CDK8: variants seen among roughly 807,000 people sequenced by gnomAD.
CDK8 encodes cyclin dependent kinase 8, also known as cyclin-dependent kinase 8.
Under a neutral mutation model 71.5 loss-of-function variants are expected in CDK8, and 29 were observed. The ratio of observed to expected loss-of-function variants is 0.41; its 90% CI spans 0.30 to 0.55. The LOEUF (loss-of-function observed/expected upper bound fraction) is 0.55, where lower values mean the gene tolerates loss of function less well. CDK8 is among the 20% of genes least tolerant of loss of function. The probability of loss-of-function intolerance (pLI) is 0.37; values close to 1 mark genes in which losing one functional copy is unlikely to be tolerated. For missense variants in CDK8, 288 were observed against 572.6 expected, an observed-to-expected ratio of 0.50 and a Z score of 5.07; for synonymous variants, 161 against 192.1, an observed-to-expected ratio of 0.84 and a Z score of 1.34.
chr13:26,361,725 C>T (rs1274899910), intron 4 of CDK8, among the ~76,000 whole-genome samples: 1 of 148,036 alleles, frequency 6.8e-6, no homozygotes, highest in Admixed American at 6.8e-5. Flanking sequence ...TATAGTTGCT[C>T]ATTTTGGGAC....
At chr13:26,354,137 A>G (rs1033048787) in intron 4 of CDK8, among the ~76,000 whole-genome samples, 13 of 152,218 alleles carry the variant, frequency 8.5e-5, no homozygotes, top group Non-Finnish European at 1.8e-4. Context: ...TTTTAAGTTC[A>G]TAAATAAAGC....
intron 10 of CDK8, 68 bp downstream of exon 10, chr13:26,400,618 C>T (rs1876211475): frequency 3.2e-6 from 3 of 948,598 alleles, no homozygotes; most frequent in Non-Finnish European, 5.2e-6. Flanking sequence ...TTCTGCTTGT[C>T]AGCTCTTAAG....
chr13:26,323,324 AGAGGGAGAGAGAGAGG>A (rs1874871863), intron 1 of CDK8, among the ~76,000 whole-genome samples: 6 of 113,770 alleles, frequency 5.3e-5, no homozygotes, highest in African/African-American at 2.1e-4. Context: ...AGAGAGAGAG[AGAGGGAGAGAGAGAGG>A]GAGAGGGAGA....
At chr13:26,389,200 T>A (rs1429967924) in intron 6 of CDK8, among the ~76,000 whole-genome samples, 1 of 152,160 alleles carries the variant, frequency 6.6e-6, no homozygotes, top group African/African-American at 2.4e-5. Context: ...TCTCGCTCTG[T>A]CACCCAGGCT....
chr13:26,263,901 T>C (rs1436774329), intron 1 of CDK8, among the ~76,000 whole-genome samples: 8 of 151,870 alleles, frequency 5.3e-5, no homozygotes, highest in Non-Finnish European at 1.0e-4. Context: ...CGCCCGCCAC[T>C]ACGCCCGGCT....
chr13:26,387,793 A>G (rs1875550934), intron 6 of CDK8, among the ~76,000 whole-genome samples: 1 of 152,188 alleles, frequency 6.6e-6, no homozygotes, highest in African/African-American at 2.4e-5. Flanking sequence ...TAGTGAAAAT[A>G]GTACCTTTTC....
chr13:26,375,381 C>G (rs911479488), intron 4 of CDK8, among the ~76,000 whole-genome samples: 38 of 152,168 alleles, frequency 2.5e-4, no homozygotes, highest in Non-Finnish European at 4.9e-4. Flanking sequence ...GGATGTTGCC[C>G]AGCTTCACTG....
chr13:26,381,171 A>G (rs1875208178), intron 4 of CDK8, among the ~76,000 whole-genome samples: 1 of 152,206 alleles, frequency 6.6e-6, no homozygotes, highest in Non-Finnish European at 1.5e-5. Context: ...TTCTAGCATA[A>G]ACATGGAAGT....
At chr13:26,311,952 T>C (rs1874301745) in intron 1 of CDK8, among the ~76,000 whole-genome samples, 1 of 152,146 alleles carries the variant, frequency 6.6e-6, no homozygotes, top group South Asian at 2.1e-4. Flanking sequence ...AGACATTGGG[T>C]GGTAAACCAG....
At chr13:26,339,756 A>AAATATATATATATATATATAT (rs1555231154) in intron 2 of CDK8, among the ~76,000 whole-genome samples, 1 of 142,998 alleles carries the variant, frequency 7.0e-6, no homozygotes, top group African/African-American at 2.6e-5. Flanking sequence ...TTAAAAAAAA[A>AAATATATATATATATATATAT]ATATATATAT....
chr13:26,385,840 C>T (rs952994654), intron 6 of CDK8, among the ~76,000 whole-genome samples: 5 of 152,144 alleles, frequency 3.3e-5, no homozygotes, highest in Non-Finnish European at 5.9e-5. Flanking sequence ...ATTCCACATA[C>T]TTCTCTCTGC....
intron 1 of CDK8, among the ~76,000 whole-genome samples, chr13:26,295,061 A>T (rs1206482355): frequency 6.6e-6 from 1 of 151,938 alleles, no homozygotes; most frequent in Non-Finnish European, 1.5e-5. Context: ...TAGTGTTTTA[A>T]TGTTCTTCTT....
chr13:26,294,129 C>T (rs1164163820), intron 1 of CDK8, among the ~76,000 whole-genome samples: 1 of 52,312 alleles, frequency 1.9e-5, no homozygotes, highest in East Asian at 8.3e-4. Flanking sequence ...TAATATTCTG[C>T]ACCTTTTTTT....
chr13:26,341,083 GGACTT>G (rs1381720757), intron 2 of CDK8, among the ~76,000 whole-genome samples: 8 of 152,250 alleles, frequency 5.3e-5, no homozygotes, highest in Admixed American at 3.9e-4. Flanking sequence ...GTAAAGCTCT[GGACTT>G]GACTTTTCTA....
At chr13:26,275,794 A>G (rs2137878028) in intron 1 of CDK8, among the ~76,000 whole-genome samples, 1 of 152,186 alleles carries the variant, frequency 6.6e-6, no homozygotes, top group South Asian at 2.1e-4. Flanking sequence ...TTAGATATTC[A>G]TGTTATATAT....
At chr13:26,274,673 C>T (rs1280846490) in intron 1 of CDK8, among the ~76,000 whole-genome samples, 1 of 152,076 alleles carries the variant, frequency 6.6e-6, no homozygotes, top group East Asian at 1.9e-4. Context: ...CCTCGTGATC[C>T]GCCCGGCTCA....
chr13:26,365,022 GA>G (rs1480952083), intron 4 of CDK8, among the ~76,000 whole-genome samples: 24 of 151,946 alleles, frequency 1.6e-4, no homozygotes, highest in Non-Finnish European at 2.9e-4. Flanking sequence ...CTTTTTGAAG[GA>G]AAAATGCTTT....
intron 1 of CDK8, among the ~76,000 whole-genome samples, chr13:26,336,844 G>A (rs938488805): frequency 2.0e-5 from 3 of 152,126 alleles, no homozygotes; most frequent in East Asian, 1.9e-4. Context: ...GTGAGCCACC[G>A]CGCCCGGCCT....
At chr13:26,331,277 A>G (rs1472172106) in intron 1 of CDK8, among the ~76,000 whole-genome samples, 1 of 152,006 alleles carries the variant, frequency 6.6e-6, no homozygotes, top group African/African-American at 2.4e-5. Flanking sequence ...TCCTTTGCCC[A>G]CTTTTCAATG....
Sources: allele counts gnomAD v4.1 joint callset (sites outside exome capture counted in the v4.1 genomes callset), GRCh38; gene constraint gnomAD v4.1.1; transcripts MANE v1.5; gene names NCBI Gene and HGNC (gene_info 2026-07-23, HGNC 2026-07-21).